The following SLA variants were observed in gnomAD, a reference collection of about 807,000 sequenced individuals.
The protein encoded by SLA is src-like-adapter.
SLA carries 16 observed loss-of-function variants against 30.3 expected under a neutral mutation model. That is an observed-to-expected ratio of 0.53 (90% confidence interval 0.36 to 0.80). The LOEUF is 0.80. Among genes scored for constraint, SLA ranks in the 30% least tolerant of loss-of-function variants. The pLI, the probability that SLA is intolerant of heterozygous loss-of-function variation, is 0.01. For missense variants in SLA, 310 were observed against 345.2 expected (o/e 0.90, Z 0.81); for synonymous variants, 143 against 137.8 (o/e 1.04, Z -0.26).
intron 3 of SLA, among the ~76,000 whole-genome samples, chr8:133,059,552 C>G (rs182318857): frequency 6.6e-6 from 1 of 152,222 alleles, no homozygotes; most frequent in East Asian, 1.9e-4. Context: ...TTAGGCTCTT[C>G]CCCCGAGAAT....
At chr8:133,051,018 C>T (rs1270001874) in intron 3 of SLA, 103 bp from the exon 4 acceptor site, 3 of 675,912 alleles carry the variant, frequency 4.4e-6, no homozygotes, top group Non-Finnish European at 8.0e-6. Context: ...GATTTTCCAG[C>T]AGGAAATACC....
chr8:133,044,931 T>A, intron 7 of SLA, 53 bp downstream of exon 7: 1 of 1,594,144 alleles, frequency 6.3e-7, no homozygotes, highest in Non-Finnish European at 8.6e-7. Flanking sequence ...CACAGAGCAA[T>A]TAGCTAAGAG....
In SLA at chr8:133,038,644, C is replaced by T. The variant is rs1420924716; in HGVS notation, c.711G>A (p.Leu237=). ...AGGTGTTGTCCTCACTGGTCAGGGA[C>T]AGGTAAGAGGCAATGCTCTCTCGAA... is the stretch of plus-strand genomic sequence containing the variant. ...YGLRESIASY[L]SLTSEDNTSF... Residue 237 remains leucine (L), a synonymous_variant, in exon 9 of 9, where the codon CTG becomes CTA. Transcript: ENST00000338087. The T allele has an allele frequency of 1.2e-6, 2 of 1,613,912 alleles. No homozygotes were observed. The highest frequency in any genetic ancestry group is 2.2e-5 in the South Asian group (2 of 91,074).
chr8:133,090,450 G>C (rs879739624), intron 1 of SLA, among the ~76,000 whole-genome samples: 1 of 152,340 alleles, frequency 6.6e-6, no homozygotes, highest in East Asian at 1.9e-4. Context: ...ACCTTGGCCC[G>C]TGTGTGGTAC....
At chr8:133,039,104 C>A (rs1837661885) in intron 8 of SLA, among the ~76,000 whole-genome samples, 2 of 152,164 alleles carry the variant, frequency 1.3e-5, no homozygotes, top group Non-Finnish European at 2.9e-5. Context: ...GTCTCAAACT[C>A]CTGACCTTAG....
chr8:133,094,718 T>C (rs1489127140), intron 1 of SLA: 2 of 401,008 alleles, frequency 5.0e-6, no homozygotes, highest in Admixed American at 7.2e-5. Flanking sequence ...TTTGCCACAA[T>C]CTCCGATCCT....
chr8:133,087,071 T>TAC (rs56028043), intron 1 of SLA, among the ~76,000 whole-genome samples: 1,889 of 143,056 alleles, frequency 0.013, 20 homozygotes, highest in East Asian at 0.033. Flanking sequence ...AATATATGTT[T>TAC]ACACACACAC....
chr8:133,047,030 G>A (rs1839553320), intron 6 of SLA: 1 of 152,142 alleles, frequency 6.6e-6, no homozygotes, highest in South Asian at 2.1e-4. Context: ...TTCAGTCTGG[G>A]AAAACCCTAG....
intron 2 of SLA, 161 bp from the exon 3 acceptor site, chr8:133,060,361 T>G: frequency 6.5e-7 from 1 of 1,539,040 alleles, no homozygotes. Flanking sequence ...GATTGGTTAC[T>G]TTTGCGCAGC....
chr8:133,048,667 T>C (rs1839900073), intron 5 of SLA: 1 of 157,480 alleles, frequency 6.4e-6, no homozygotes, highest in Non-Finnish European at 1.4e-5. Flanking sequence ...CATGAAGGCA[T>C]TGATGCATGC....
intron 1 of SLA, among the ~76,000 whole-genome samples, chr8:133,077,347 G>A (rs1325996702): frequency 6.6e-6 from 1 of 152,190 alleles, no homozygotes; most frequent in African/African-American, 2.4e-5. Context: ...AGGATGCAGA[G>A]CCCTGGAGGT....
In SLA at chr8:133,050,970, G is replaced by C. The variant is rs765593945; in HGVS notation, c.62-55C>G. 3.0e-6 allele frequency: 3 copies of C among 1,009,820 alleles called. No individual in the cohort carries two copies. The East Asian group carries it at 7.2e-5, about 24-fold the overall frequency. The allele number at this position is 1,009,820 out of a possible 1,614,324, so 62.6% of individuals were successfully genotyped here. A position where few individuals can be genotyped will look rare whatever the true frequency, so the allele number is the denominator to read the frequency against. On this transcript the variant is annotated intron_variant, in intron 3 of 8. Coordinates refer to ENST00000338087, the MANE Select transcript of SLA (RefSeq NM_001045556.3). ...GCAAGGTGCTTTTTATTCACAAGGA[G>C]CTTAAAGGTAGGCTTGGGAGGGAGG...
intron 1 of SLA, among the ~76,000 whole-genome samples, chr8:133,101,000 G>A (rs187479198): frequency 7.9e-5 from 12 of 152,134 alleles, no homozygotes; most frequent in South Asian, 2.1e-4. Context: ...GAGGTTTACC[G>A]GGTGTCTCTA....
At chr8:133,055,898 G>A (rs1038660460) in intron 3 of SLA, among the ~76,000 whole-genome samples, 3 of 152,096 alleles carry the variant, frequency 2.0e-5, no homozygotes, top group African/African-American at 7.2e-5. Context: ...GGGGAATCAG[G>A]CACTGGGCTG....
intron 1 of SLA, among the ~76,000 whole-genome samples, chr8:133,097,237 T>G (rs971268500): frequency 6.6e-6 from 1 of 152,264 alleles, no homozygotes; most frequent in Admixed American, 6.5e-5. Flanking sequence ...AACAGGATCC[T>G]GAGTTCCTTT....
At chr8:133,089,346 T>G (rs1205872836) in intron 1 of SLA, among the ~76,000 whole-genome samples, 1 of 152,214 alleles carries the variant, frequency 6.6e-6, no homozygotes, top group East Asian at 1.9e-4. Flanking sequence ...CAGGAGGTAT[T>G]GATGCTCCAT....
At chr8:133,057,707 A>C (rs1841697662) in intron 3 of SLA, among the ~76,000 whole-genome samples, 1 of 152,042 alleles carries the variant, frequency 6.6e-6, no homozygotes, top group Non-Finnish European at 1.5e-5. Context: ...TAGGTTTAAG[A>C]CATTAGTTCC....
chr8:133,068,201 C>A (rs1843392033), intron 2 of SLA, among the ~76,000 whole-genome samples: 1 of 152,232 alleles, frequency 6.6e-6, no homozygotes, highest in Admixed American at 6.5e-5. Context: ...TGGATGAATG[C>A]ATGACTCCCT....
At chr8:133,070,036 AAAGAAAAGAAAAG>A (rs1484723023) in intron 2 of SLA, among the ~76,000 whole-genome samples, 1 of 149,440 alleles carries the variant, frequency 6.7e-6, no homozygotes, top group African/African-American at 2.5e-5. Context: ...AGAAAGAAAG[AAAGAAAAGAAAAG>A]AAGAAAAGAA....
Sources: allele counts gnomAD v4.1 joint callset (sites outside exome capture counted in the v4.1 genomes callset), GRCh38; gene constraint gnomAD v4.1.1; transcripts MANE v1.5; gene names NCBI Gene and HGNC (gene_info 2026-07-23, HGNC 2026-07-21).